Variants in PPIL3 observed in about 807,000 individuals in gnomAD.
PPIL3 encodes the protein peptidylprolyl isomerase like 3.
Under a neutral mutation model 20.9 loss-of-function variants are expected in PPIL3, and 13 were observed. That is an observed-to-expected ratio of 0.62 (90% CI 0.40 to 0.99). PPIL3 has a LOEUF of 0.99. PPIL3 is among the 50% of genes least tolerant of loss of function. The pLI is 0.00. For missense variants in PPIL3, 170 were observed against 195.2 expected (o/e 0.87, Z 0.77); for synonymous variants, 71 against 64.4 (o/e 1.10, Z -0.49).
chr2:200,879,069 T>G (rs1199824951), intron 5 of PPIL3, among the ~76,000 whole-genome samples: 1 of 152,106 alleles, frequency 6.6e-6, no homozygotes, highest in African/African-American at 2.4e-5. Context: ...CCAGAATATA[T>G]GAAGAGTCAA....
Position 200,875,328 on chromosome 2 carries a change from C to T in PPIL3, c.359+1591G>A, listed in dbSNP as rs191306837. On this transcript the variant is annotated intron_variant, in intron 6 of 6. Transcript: ENST00000392283. ...TTGTCACCAGGCTGGAGTGCAGTGG[C>T]GCAATCTTGGCTCACTGCAATCTCC... 6.9e-3 allele frequency among the ~76,000 whole-genome samples: 1,043 copies of T among 151,464 alleles called. 38 individuals carry two copies. Among genetic ancestry groups the T allele is most frequent in the Admixed American group, 0.06 (910 of 15,218 alleles).
At position 200,871,457 on chromosome 2, in the gene PPIL3, G is replaced by A. The variant is rs1481163246; in HGVS notation, c.424C>T (p.Arg142Ter). 1.9e-6 allele frequency: 3 copies of A among 1,609,254 alleles called. No individual in the cohort carries two copies. Among genetic ancestry groups the A allele is most frequent in the Admixed American group, 1.7e-5 (1 of 59,948 alleles). The stretch of plus-strand genomic sequence containing the variant: ...TTAATGTGTACATCATTAAGAGGTC[G>A]GTATGTCTTCTCATTTACTGGCAAC... ...EKLPVNEKTY[R>*]PLNDVHIKDI... The change falls in exon 7 of 7, where the codon CGA becomes TGA. Residue 142 changes from arginine to a stop codon, truncating the protein, a stop_gained. Transcript: ENST00000392283. LOFTEE classifies it high-confidence loss of function.
intron 1 of PPIL3, 150 bp downstream of exon 1, chr2:200,888,806 T>G (rs916157208): frequency 2.5e-6 from 1 of 403,006 alleles, no homozygotes; most frequent in African/African-American, 2.1e-5. Flanking sequence ...GAGGCCGCCG[T>G]GCAGGGTCCT....
chr2:200,879,960 A>G (rs1309980023), intron 5 of PPIL3, among the ~76,000 whole-genome samples: 3 of 152,198 alleles, frequency 2.0e-5, no homozygotes, highest in Non-Finnish European at 4.4e-5. Context: ...TTCAGGAAAA[A>G]GTTGACTTTT....
chr2:200,885,567 G>C (rs2039904031), intron 3 of PPIL3, 131 bp downstream of exon 3: 3 of 647,182 alleles, frequency 4.6e-6, no homozygotes, highest in Non-Finnish European at 8.0e-6. Flanking sequence ...CCAGAAGTTA[G>C]GATGGCTAGT....
intron 5 of PPIL3, among the ~76,000 whole-genome samples, chr2:200,880,335 G>A (rs868749738): frequency 8.6e-5 from 13 of 151,262 alleles, no homozygotes; most frequent in Middle Eastern, 3.4e-3. Context: ...ATTTTTTTCA[G>A]AATTTTTGTG....
At chr2:200,881,361 C>T in intron 5 of PPIL3, 60 bp downstream of exon 5, 1 of 1,316,252 alleles carries the variant, frequency 7.6e-7, no homozygotes, top group South Asian at 1.3e-5. Flanking sequence ...ACACATGTAT[C>T]AAAGTTTCCA....
At chr2:200,878,104 C>T (rs1156371093) in intron 5 of PPIL3, among the ~76,000 whole-genome samples, 2 of 152,056 alleles carry the variant, frequency 1.3e-5, no homozygotes, top group Non-Finnish European at 2.9e-5. Context: ...AGGTGTCCAC[C>T]AATCAAATGT....
intron 5 of PPIL3, among the ~76,000 whole-genome samples, chr2:200,878,668 A>T (rs926571061): frequency 6.6e-6 from 1 of 152,142 alleles, no homozygotes; most frequent in African/African-American, 2.4e-5. Flanking sequence ...TGCTGGGATT[A>T]TAAGAGTGAG....
At chr2:200,884,147 TTGG>T (rs879457836) in intron 3 of PPIL3, among the ~76,000 whole-genome samples, 76,036 of 151,970 alleles carry the variant, frequency 0.5, 20,654 homozygotes, top group African/African-American at 0.73. Flanking sequence ...TGCAGTGGCT[TTGG>T]GCAGCACTTT....
chr2:200,886,113 T>C (rs1467622235), intron 2 of PPIL3, among the ~76,000 whole-genome samples: 1 of 152,252 alleles, frequency 6.6e-6, no homozygotes, highest in Non-Finnish European at 1.5e-5. Flanking sequence ...ATTATTGATG[T>C]ACATGGCAAT....
rs1320182634 is a variant in PPIL3 at position 200,889,065 on chromosome 2, G to A, written c.-180C>T. The A allele has an allele frequency of 2.1e-6, 1 of 470,908 alleles. No individual in the cohort carries two copies. The allele number at this position is 470,908 out of a possible 1,614,324, so 29.2% of individuals were successfully genotyped here. A position where few individuals can be genotyped will look rare whatever the true frequency, so the allele number is the denominator to read the frequency against. ...AAAATTATAGTTTCTTTGGGCCAGC[G>A]GAAGTTGGGCGCGGGACCCAAGAGA... On this transcript the variant is annotated 5_prime_UTR_variant, in exon 1 of 7. Transcript: ENST00000392283.
intron 5 of PPIL3, among the ~76,000 whole-genome samples, chr2:200,880,023 T>C (rs968659939): frequency 6.6e-6 from 1 of 152,160 alleles, no homozygotes; most frequent in African/African-American, 2.4e-5. Context: ...CTAATACATT[T>C]CCTTACAATA....
intron 3 of PPIL3, among the ~76,000 whole-genome samples, chr2:200,882,711 C>T (rs760827471): frequency 7.9e-5 from 12 of 151,964 alleles, no homozygotes; most frequent in Non-Finnish European, 1.5e-4. Flanking sequence ...AGATCGAGAC[C>T]ATCCTGGCTA....
rs13395523 is a variant in PPIL3, at chr2:200,878,757, C to T, written c.241-1720G>A. Among the ~76,000 whole-genome samples, 6 of 152,200 alleles carry T rather than the reference C, an allele frequency of 3.9e-5. No individual in the cohort carries two copies. The East Asian group carries it at 5.8e-4, about 15-fold the overall frequency. ...CTTTTCCTTCTGAATATAATTACAT[C>T]GTAACATTTTAGTCTTCTGGGAAAT... On this transcript the variant is annotated intron_variant, in intron 5 of 6. Coordinates refer to ENST00000392283, the MANE Select transcript of PPIL3 (RefSeq NM_130906.3).
chr2:200,889,287 A>C (rs1377388581), upstream of PPIL3: 3 of 318,834 alleles, frequency 9.4e-6, no homozygotes, highest in South Asian at 2.5e-5. Context: ...TGCCAAACGG[A>C]AAGGACCACT....
At chr2:200,883,020 A>G (rs1356345974) in intron 3 of PPIL3, among the ~76,000 whole-genome samples, 1 of 151,522 alleles carries the variant, frequency 6.6e-6, no homozygotes, top group African/African-American at 2.4e-5. Flanking sequence ...CTTACTACCT[A>G]AACTCCATCA....
chr2:200,876,558 C>T (rs2105764165), intron 6 of PPIL3, among the ~76,000 whole-genome samples: 1 of 150,108 alleles, frequency 6.7e-6, no homozygotes, highest in African/African-American at 2.5e-5. Context: ...CACTCTGTCG[C>T]CCAGGCTGGA....
At chr2:200,874,729 C>T (rs2039451377) in intron 6 of PPIL3, among the ~76,000 whole-genome samples, 1 of 152,102 alleles carries the variant, frequency 6.6e-6, no homozygotes, top group African/African-American at 2.4e-5. Flanking sequence ...TATTTCTTTT[C>T]TCCTTGATTA....
Sources: gnomAD v4.1 joint callset for allele counts (sites outside exome capture counted in the v4.1 genomes callset) on GRCh38, gnomAD v4.1.1 for gene constraint, MANE v1.5 for transcripts, NCBI Gene and HGNC (gene_info 2026-07-23, HGNC 2026-07-21) for gene names.